HYDIN: variants seen among roughly 807,000 people sequenced by gnomAD.
HYDIN encodes HYDIN axonemal central pair apparatus protein, also known as axonemal central pair apparatus protein HYDIN.
In HYDIN, 132 loss-of-function variants were observed where a neutral mutation model predicts 403.9. That is an observed-to-expected ratio of 0.33 (90% CI 0.28 to 0.38). The LOEUF (loss-of-function observed/expected upper bound fraction) is 0.38, where lower values mean the gene tolerates loss of function less well. HYDIN is among the 10% of genes least tolerant of loss of function. The pLI is 1.00. For synonymous variants in HYDIN, 1,202 were observed against 1,891.7 expected (o/e 0.64, Z 9.46); for missense variants, 2,827 against 5,009.5 (o/e 0.56, Z 13.15).
intron 41 of HYDIN, among the ~76,000 whole-genome samples, chr16:70,949,100 C>A (rs955897152): frequency 1.3e-5 from 2 of 151,882 alleles, no homozygotes; most frequent in African/African-American, 2.4e-5. Context: ...AAATGTGGCA[C>A]ATAGACACCA....
chr16:71,043,876 C>A (rs1276531473), intron 18 of HYDIN, among the ~76,000 whole-genome samples: 2 of 149,032 alleles, frequency 1.3e-5, no homozygotes, highest in African/African-American at 5.0e-5. Flanking sequence ...ATTATTTCAG[C>A]CCAGGAGCTC....
At chr16:71,111,715 T>A (rs999233891) in intron 10 of HYDIN, among the ~76,000 whole-genome samples, 16 of 151,976 alleles carry the variant, frequency 1.1e-4, no homozygotes, top group Admixed American at 8.5e-4. Flanking sequence ...TTCATGAACA[T>A]CAGTATTTCT....
chr16:71,000,527 A>G (rs1239771329), intron 23 of HYDIN, among the ~76,000 whole-genome samples: 1 of 151,150 alleles, frequency 6.6e-6, no homozygotes, highest in East Asian at 1.9e-4. Flanking sequence ...CTTCAAATAG[A>G]AGTAGACTGT....
At chr16:71,171,398 T>C (rs928062976) in intron 5 of HYDIN, among the ~76,000 whole-genome samples, 1 of 152,228 alleles carries the variant, frequency 6.6e-6, no homozygotes, top group Non-Finnish European at 1.5e-5. Flanking sequence ...TTAAATTGTA[T>C]ATATTTGTTT....
intron 1 of HYDIN, among the ~76,000 whole-genome samples, chr16:71,212,873 A>G (rs1224875765): frequency 6.6e-6 from 1 of 152,098 alleles, no homozygotes; most frequent in East Asian, 1.9e-4. Flanking sequence ...ATGGGGGAAA[A>G]AGTCGTATCT....
chr16:70,973,520 T>C, intron 34 of HYDIN, 28 bp from the exon 35 acceptor site: 1 of 368,710 alleles, frequency 2.7e-6, no homozygotes, highest in African/African-American at 2.4e-5. Flanking sequence ...GAGAATTAGA[T>C]CATCTTCTAT....
chr16:71,037,290 T>C (rs547407402), intron 18 of HYDIN, among the ~76,000 whole-genome samples: 99 of 143,492 alleles, frequency 6.9e-4, no homozygotes, highest in African/African-American at 2.4e-3. Context: ...AAATCTGAAA[T>C]GCCCCACGTG....
chr16:70,829,806 G>C lies in HYDIN; in HGVS notation c.13924C>G (p.Arg4642Gly). 3 of 1,613,802 alleles carry C rather than the reference G, an allele frequency of 1.9e-6. No individual in the cohort carries two copies. Among genetic ancestry groups the C allele is most frequent in the Non-Finnish European group, 2.5e-6 (3 of 1,179,732 alleles). ...KEVVNFTCQV[R>G]SKHTQTILLS... ...AGGATGGTCTGCGTGTGCTTGGAGCGCACCTGGCACGTGAAATTCACTACC... is the reference window on the plus strand; with the variant it reads ...AGGATGGTCTGCGTGTGCTTGGAGCCCACCTGGCACGTGAAATTCACTACC... The change falls in exon 81 of 86, where the codon CGC becomes GGC. Residue 4642 changes from arginine (R) to glycine (G), a missense_variant. Physicochemically the swap from Arg to Gly is moderately radical, Grantham distance 125. Coordinates refer to ENST00000393567, the MANE Select transcript of HYDIN (RefSeq NM_001270974.2).
At position 71,165,201 on chromosome 16, in the gene HYDIN, C is replaced by T. The variant is rs994581747; in HGVS notation, c.517-2471G>A. On this transcript the variant is annotated intron_variant, in intron 5 of 85. Transcript: ENST00000393567. Reference sequence around the variant, plus strand: ...GAGGCTGGCGCACTTGCGAAGGTCCCGTGGTCTGGTGCCCCCATCGTTTCT... The same window carrying T: ...GAGGCTGGCGCACTTGCGAAGGTCCTGTGGTCTGGTGCCCCCATCGTTTCT... Among the ~76,000 whole-genome samples the T allele has an allele frequency of 4.6e-4, 69 of 151,304 alleles. 1 individual carries two copies. In the Middle Eastern group the frequency reaches 0.01, roughly 22 times the overall value.
intron 76 of HYDIN, among the ~76,000 whole-genome samples, chr16:70,838,585 G>A (rs2791869): frequency 0.074 from 11,233 of 151,804 alleles, 1,334 homozygotes; most frequent in African/African-American, 0.25. Flanking sequence ...TAGGTAACAA[G>A]GCACAGTAGG....
chr16:71,190,729 T>A (rs75668525), intron 1 of HYDIN, among the ~76,000 whole-genome samples: 1,590 of 152,254 alleles, frequency 0.01, 27 homozygotes, highest in African/African-American at 0.036. Flanking sequence ...TAAATTAATC[T>A]TAACACTAAA....
At chr16:70,818,739 G>A (rs1472049557) in intron 83 of HYDIN, among the ~76,000 whole-genome samples, 167 bp from the exon 84 acceptor site, 1 of 145,968 alleles carries the variant, frequency 6.9e-6, no homozygotes, top group African/African-American at 2.6e-5. Context: ...CTGCCAGCCA[G>A]ACTTTCTAGT....
chr16:71,185,306 T>A (rs1325480877), intron 2 of HYDIN, among the ~76,000 whole-genome samples: 2 of 152,118 alleles, frequency 1.3e-5, no homozygotes, highest in African/African-American at 4.8e-5. Context: ...AGCTTAACAT[T>A]TATGCTCAGA....
At chr16:70,972,606 T>C (rs376791617) in intron 35 of HYDIN, among the ~76,000 whole-genome samples, 9 of 151,424 alleles carry the variant, frequency 5.9e-5, no homozygotes, top group East Asian at 3.9e-4. Flanking sequence ...TTTACTTACA[T>C]AGAGCAGCAC....
At chr16:71,030,827 C>T (rs376459850) in intron 19 of HYDIN, among the ~76,000 whole-genome samples, 20 of 151,468 alleles carry the variant, frequency 1.3e-4, no homozygotes, top group African/African-American at 4.9e-4. Flanking sequence ...CTAGCTTTTC[C>T]TGGGTAATCA....
At chr16:70,857,922 T>TC (rs1236680332) in intron 71 of HYDIN, 52 bp from the exon 72 acceptor site, 1 of 1,519,058 alleles carries the variant, frequency 6.6e-7, no homozygotes, top group African/African-American at 1.4e-5. Flanking sequence ...GTATGCTTAC[T>TC]CCACATGTCC....
At chr16:71,017,350 C>CAAAA in intron 23 of HYDIN, among the ~76,000 whole-genome samples, 1 of 108,642 alleles carries the variant, frequency 9.2e-6, no homozygotes, top group African/African-American at 3.9e-5. Context: ...AACTCTGTCT[C>CAAAA]AAAAAAAAAA....
chr16:71,061,787 G>A (rs1390646318), intron 17 of HYDIN, among the ~76,000 whole-genome samples: 2 of 150,818 alleles, frequency 1.3e-5, no homozygotes, highest in Non-Finnish European at 3.0e-5. Flanking sequence ...GCTGGCTCCC[G>A]TACAGATGTG....
chr16:71,012,449 G>C (rs1418765706), intron 23 of HYDIN, among the ~76,000 whole-genome samples: 1 of 152,234 alleles, frequency 6.6e-6, no homozygotes, highest in Non-Finnish European at 1.5e-5. Context: ...TAGCATGCTT[G>C]TCCATTTTAC....
Sources: gnomAD v4.1 joint callset for allele counts (sites outside exome capture counted in the v4.1 genomes callset) on GRCh38, gnomAD v4.1.1 for gene constraint, MANE v1.5 for transcripts, NCBI Gene and HGNC (gene_info 2026-07-23, HGNC 2026-07-21) for gene names.